Variants in DHDDS observed in about 807,000 individuals in gnomAD.
DHDDS encodes the protein dehydrodolichyl diphosphate synthase complex subunit DHDDS.
Under a neutral mutation model 46.2 loss-of-function variants are expected in DHDDS, and 16 were observed. The ratio of observed to expected loss-of-function variants is 0.35; its 90% confidence interval spans 0.23 to 0.53. DHDDS has a LOEUF of 0.53. DHDDS is among the 20% of genes least tolerant of loss of function. The pLI, the probability that DHDDS is intolerant of heterozygous loss-of-function variation, is 0.94. For synonymous variants in DHDDS, 151 were observed against 163.1 expected (o/e 0.93, Z 0.56); for missense variants, 340 against 423.7 (o/e 0.80, Z 1.73).
intron 8 of DHDDS, 28 bp downstream of exon 8, chr1:26,460,172 T>C: frequency 6.6e-7 from 1 of 1,525,464 alleles, no homozygotes; most frequent in Non-Finnish European, 9.1e-7. Context: ...GCTGGCCAGA[T>C]GGGATGGGAT....
intron 2 of DHDDS, among the ~76,000 whole-genome samples, chr1:26,436,251 T>C (rs1428325277): frequency 6.6e-6 from 1 of 151,930 alleles, no homozygotes; most frequent in Non-Finnish European, 1.5e-5. Context: ...ATAAAAAAAT[T>C]AGCTGGGTGT....
chr1:26,439,681 TCAGGACA>T (rs1394384612), intron 3 of DHDDS, among the ~76,000 whole-genome samples: 8 of 152,208 alleles, frequency 5.3e-5, no homozygotes, highest in Non-Finnish European at 8.8e-5. Context: ...GAGGGGTTTC[TCAGGACA>T]CAGGTCTTTC....
intron 6 of DHDDS, among the ~76,000 whole-genome samples, chr1:26,448,901 C>T (rs568613071): frequency 7.9e-5 from 12 of 152,020 alleles, no homozygotes; most frequent in South Asian, 2.1e-4. Flanking sequence ...GTTCCCTTCC[C>T]GATTCGATTG....
At position 26,457,851 on chromosome 1, in the gene DHDDS, C is replaced by T. The variant is rs775940416; in HGVS notation, c.603C>T (p.Asp201=). 1 of 1,614,056 alleles carries T rather than the reference C, an allele frequency of 6.2e-7. No homozygotes were observed. Among genetic ancestry groups the T allele is most frequent in the South Asian group, 1.1e-5 (1 of 91,076 alleles). ...ATACCAACCGCTCTCCTCATCCTGACATCTTGATACGGACTTCTGGAGAAG... is the reference window on the plus strand; with the variant it reads ...ATACCAACCGCTCTCCTCATCCTGATATCTTGATACGGACTTCTGGAGAAG... ...CLYTNRSPHP[D]ILIRTSGEVR... is the part of the protein sequence containing the mutation. The change falls in exon 7 of 9, where the codon GAC becomes GAT. Residue 201 remains aspartate (D), a synonymous_variant. Coordinates refer to ENST00000236342, the MANE Select transcript of DHDDS (RefSeq NM_205861.3).
intron 6 of DHDDS, chr1:26,454,862 A>G (rs2075356120): frequency 6.3e-7 from 1 of 1,588,818 alleles, no homozygotes. Context: ...CAGAGAATCT[A>G]CATTTAAACC....
At chr1:26,432,814 C>T in intron 1 of DHDDS, 77 bp from the exon 2 acceptor site, 1 of 844,592 alleles carries the variant, frequency 1.2e-6, no homozygotes, top group Non-Finnish European at 2.0e-6. Flanking sequence ...CTCCATAGTC[C>T]ATCTGATTCC....
intron 3 of DHDDS, 147 bp from the exon 4 acceptor site, chr1:26,442,584 C>T (rs988074009): frequency 2.2e-6 from 2 of 915,100 alleles, no homozygotes; most frequent in African/African-American, 1.6e-5. Context: ...CTGACATAAA[C>T]ACTGATGTTA....
chr1:26,453,903 A>G (rs571230301), intron 6 of DHDDS, among the ~76,000 whole-genome samples: 1 of 152,308 alleles, frequency 6.6e-6, no homozygotes, highest in Admixed American at 6.5e-5. Context: ...CAAAGTCTAC[A>G]GATGTTCCAT....
At chr1:26,450,711 G>A (rs1356685895) in intron 6 of DHDDS, among the ~76,000 whole-genome samples, 1 of 152,154 alleles carries the variant, frequency 6.6e-6, no homozygotes, top group Non-Finnish European at 1.5e-5. Context: ...AAAATCAGCT[G>A]TTGTTAAAAC....
chr1:26,462,573 T>A (rs1156563464), intron 8 of DHDDS, among the ~76,000 whole-genome samples: 1 of 152,198 alleles, frequency 6.6e-6, no homozygotes, highest in Admixed American at 6.5e-5. Context: ...GGAAACCAGA[T>A]AGTCAAGCTT....
At chr1:26,433,165 C>T in intron 2 of DHDDS, 157 bp downstream of exon 2, 1 of 786,672 alleles carries the variant, frequency 1.3e-6, no homozygotes, top group Non-Finnish European at 2.1e-6. Context: ...ACTTCCAGGT[C>T]TACATTTCTG....
intron 8 of DHDDS, among the ~76,000 whole-genome samples, chr1:26,460,782 C>T (rs548525907): frequency 1.3e-5 from 2 of 152,266 alleles, no homozygotes; most frequent in South Asian, 2.1e-4. Flanking sequence ...ACCTAACAAC[C>T]CAGCAGTTTT....
Position 26,460,092 on chromosome 1 carries a change from G to C in DHDDS, c.713G>C (p.Trp238Ser). ...GTTCTGTGGCCAGAGTATACATTTT[G>C]GAACCTCTTCGAGGCCATCCTGCAG... is the stretch of plus-strand genomic sequence containing the variant. Reference protein sequence around the residue: ...QPVLWPEYTFWNLFEAILQFQ... With the variant: ...QPVLWPEYTFSNLFEAILQFQ... The change falls in exon 8 of 9, where the codon TGG becomes TCG. Residue 238 changes from tryptophan (W) to serine (S), a missense_variant. Around this residue, in one of 2 missense-constraint regions of DHDDS, gnomAD observed 268 missense variants for 300.3 expected, o/e 0.89. Transcript: ENST00000236342. 2 of 1,614,168 alleles carry C rather than the reference G, an allele frequency of 1.2e-6. No individual in the cohort carries two copies. Among genetic ancestry groups the C allele is most frequent in the South Asian group, 1.1e-5 (1 of 91,082 alleles).
At chr1:26,443,308 T>C (rs930441051) in intron 4 of DHDDS, among the ~76,000 whole-genome samples, 1 of 152,128 alleles carries the variant, frequency 6.6e-6, no homozygotes, top group Non-Finnish European at 1.5e-5. Context: ...CAATAAACTA[T>C]GGCCAAGGAA....
chr1:26,441,406 G>A (rs2075218331), intron 3 of DHDDS, among the ~76,000 whole-genome samples: 1 of 151,238 alleles, frequency 6.6e-6, no homozygotes, highest in Non-Finnish European at 1.5e-5. Context: ...CACCATGTTG[G>A]CCAGGCTGGG....
chr1:26,464,769 A>G (rs1245447333), intron 8 of DHDDS, among the ~76,000 whole-genome samples: 1 of 152,000 alleles, frequency 6.6e-6, no homozygotes, highest in Non-Finnish European at 1.5e-5. Context: ...CCATCACCCA[A>G]ATTCCCATTT....
intron 6 of DHDDS, among the ~76,000 whole-genome samples, chr1:26,452,254 G>A (rs1456479294): frequency 6.6e-6 from 1 of 151,608 alleles, no homozygotes; most frequent in Non-Finnish European, 1.5e-5. Flanking sequence ...TGTTGTCCAG[G>A]CTGGTCTCAA....
At chr1:26,456,236 G>T (rs115499247) in intron 6 of DHDDS, among the ~76,000 whole-genome samples, 4 of 152,254 alleles carry the variant, frequency 2.6e-5, no homozygotes, top group African/African-American at 9.6e-5. Flanking sequence ...GCTGAGCATG[G>T]TGTTGCACAC....
intron 6 of DHDDS, chr1:26,448,107 CTT>C: frequency 4.1e-6 from 1 of 246,204 alleles, no homozygotes; most frequent in Non-Finnish European, 7.9e-6. Flanking sequence ...CCAAGAATGA[CTT>C]TTCATGAATG....
Sources: allele counts gnomAD v4.1 joint callset (sites outside exome capture counted in the v4.1 genomes callset), GRCh38; gene constraint gnomAD v4.1.1; regional missense constraint gnomAD v4.1.1; transcripts MANE v1.5; gene names NCBI Gene and HGNC (gene_info 2026-07-23, HGNC 2026-07-21).